The following RRAGB variants were observed in gnomAD, a reference collection of about 807,000 sequenced individuals.
RRAGB encodes the protein ras-related GTP-binding protein B.
In RRAGB, 6 loss-of-function variants were observed where a neutral mutation model predicts 29.3. That is an observed-to-expected ratio of 0.21 (90% CI 0.11 to 0.40). The LOEUF is 0.40. Ranked by LOEUF, RRAGB falls within the 10% of genes least tolerant of loss-of-function variation. RRAGB has a pLI of 1.00. For missense variants in RRAGB, 184 were observed against 272.9 expected (o/e 0.67, Z 2.29); for synonymous variants, 101 against 92.5 (o/e 1.09, Z -0.53).
At chrX:55,740,366 T>A (rs2034019701) in intron 5 of RRAGB, among the ~76,000 whole-genome samples, 1 of 110,837 alleles carries the variant, frequency 9.0e-6, no homozygotes, top group African/African-American at 3.3e-5. Flanking sequence ...GAATTTTAAA[T>A]CATTATGACT....
intron 5 of RRAGB, among the ~76,000 whole-genome samples, chrX:55,738,086 GTC>G (rs1345998684): frequency 2.7e-5 from 3 of 112,761 alleles, no homozygotes; most frequent in Non-Finnish European, 5.6e-5. Context: ...AGATTATTAA[GTC>G]TCTGAGGGTT....
At position 55,751,081 on chromosome X, in the gene RRAGB, T is replaced by C. The variant is rs763669895; in HGVS notation, c.517-20T>C. On this transcript the variant is annotated intron_variant, in intron 5 of 9. Coordinates refer to ENST00000374941, the MANE Select transcript of RRAGB (RefSeq NM_006064.5). ...GGGAACTATTATATGCTGATCAGTA[T>C]GTTGGGCTTTTTAATTTAGATTTTT... The C allele has an allele frequency of 3.1e-6, 3 of 979,960 alleles. No homozygotes were observed. The highest frequency in any genetic ancestry group is 4.0e-5 in the South Asian group (2 of 50,479). 80.8% of individuals were successfully genotyped at this position (979,960 alleles called of 1,213,427 possible).
intron 4 of RRAGB, among the ~76,000 whole-genome samples, chrX:55,729,607 A>G (rs2033604086): frequency 9.0e-6 from 1 of 111,467 alleles, no homozygotes; most frequent in Non-Finnish European, 1.9e-5. Flanking sequence ...TTTGGGATAG[A>G]TTATCCCCTT....
At chrX:55,742,042 G>A (rs1320806334) in intron 5 of RRAGB, among the ~76,000 whole-genome samples, 1 of 112,056 alleles carries the variant, frequency 8.9e-6, no homozygotes, top group African/African-American at 3.2e-5. Flanking sequence ...TCCCAGAAGA[G>A]GATGTAAAGT....
At chrX:55,749,470 T>C (rs1404617794) in intron 5 of RRAGB, among the ~76,000 whole-genome samples, 30 of 94,094 alleles carry the variant, frequency 3.2e-4, no homozygotes, top group Middle Eastern at 6.5e-3. Flanking sequence ...GGCGCCTCTG[T>C]CCGGCCGCCC....
At chrX:55,722,526 C>A (rs2033318924) in intron 3 of RRAGB, among the ~76,000 whole-genome samples, 1 of 111,663 alleles carries the variant, frequency 9.0e-6, no homozygotes, top group Non-Finnish European at 1.9e-5. Context: ...CCTTGTCCAA[C>A]TTTTTGTTTA....
chrX:55,746,657 A>G (rs755631424), intron 5 of RRAGB, among the ~76,000 whole-genome samples: 15 of 112,303 alleles, frequency 1.3e-4, no homozygotes, highest in African/African-American at 4.5e-4. Context: ...GAATCTGTTA[A>G]TACTTGAACA....
At chrX:55,740,508 G>T (rs2034027460) in intron 5 of RRAGB, among the ~76,000 whole-genome samples, 1 of 111,874 alleles carries the variant, frequency 8.9e-6, no homozygotes, top group African/African-American at 3.3e-5. Context: ...CTCTTGGAAA[G>T]AATTTTCTGC....
At chrX:55,749,660 A>G (rs1325919356) in intron 5 of RRAGB, among the ~76,000 whole-genome samples, 1 of 110,922 alleles carries the variant, frequency 9.0e-6, no homozygotes, top group Non-Finnish European at 1.9e-5. Flanking sequence ...AGAAGTAGAC[A>G]TGGGAGACTT....
chrX:55,747,908 CT>C (rs1027586749), intron 5 of RRAGB, among the ~76,000 whole-genome samples: 2 of 110,179 alleles, frequency 1.8e-5, no homozygotes, highest in African/African-American at 3.3e-5. Flanking sequence ...CGGTCTCCCC[CT>C]GATGCCGAGC....
chrX:55,744,934 G>C (rs1227122039), intron 5 of RRAGB, among the ~76,000 whole-genome samples: 1 of 111,986 alleles, frequency 8.9e-6, no homozygotes, highest in Non-Finnish European at 1.9e-5. Flanking sequence ...AATGAAGACT[G>C]TGTTGCCTCC....
intron 5 of RRAGB, among the ~76,000 whole-genome samples, chrX:55,742,340 C>T (rs1165189923): frequency 8.9e-6 from 1 of 112,598 alleles, no homozygotes; most frequent in Non-Finnish European, 1.9e-5. Flanking sequence ...GTTGTATATT[C>T]TCTGGTGGGG....
intron 5 of RRAGB, among the ~76,000 whole-genome samples, chrX:55,748,798 C>A (rs1466806038): frequency 4.6e-5 from 5 of 108,615 alleles, no homozygotes; most frequent in African/African-American, 1.7e-4. Flanking sequence ...GGGTCAGCCC[C>A]CCGCCTGGCC....
intron 3 of RRAGB, among the ~76,000 whole-genome samples, chrX:55,723,560 T>A (rs538607330): frequency 9.2e-6 from 1 of 108,787 alleles, no homozygotes; most frequent in Non-Finnish European, 1.9e-5. Flanking sequence ...TCACAAATCT[T>A]TTTTTTTTCT....
In RRAGB at chrX:55,731,421, T is replaced by C; in HGVS notation, c.351T>C (p.Asn117=). Residue 117 remains asparagine (N), a synonymous_variant, in exon 5 of 10, where the codon AAT becomes AAC. Transcript: ENST00000374941. ...GCCAACGGGACAACATCTTCCGAAA[T>C]GTGGAGGTTCTGATTTATGTCTTTG... ...FTSQRDNIFR[N]VEVLIYVFDV... The C allele has an allele frequency of 8.3e-7, 1 of 1,210,935 alleles. No individual in the cohort carries two copies. The highest frequency in any genetic ancestry group is 1.1e-6 in the Non-Finnish European group (1 of 894,962).
chrX:55,749,936 C>CCTTTGTTCACTTGTTT (rs1259687999), intron 5 of RRAGB, among the ~76,000 whole-genome samples: 1 of 108,970 alleles, frequency 9.2e-6, no homozygotes, highest in Non-Finnish European at 1.9e-5. Flanking sequence ...AAACCAGAGA[C>CCTTTGTTCACTTGTTT]CTTTGTTCAC....
intron 3 of RRAGB, chrX:55,727,399 T>C (rs1281948335): frequency 1.3e-6 from 1 of 758,400 alleles, no homozygotes; most frequent in South Asian, 2.2e-5. Flanking sequence ...ATGTAAGATA[T>C]GATTCCTTTT....
intron 5 of RRAGB, among the ~76,000 whole-genome samples, chrX:55,738,808 T>G (rs2033953782): frequency 9.0e-6 from 1 of 111,664 alleles, no homozygotes; most frequent in African/African-American, 3.3e-5. Context: ...GGCAAGGCCA[T>G]GGAACTCCCA....
intron 5 of RRAGB, among the ~76,000 whole-genome samples, chrX:55,735,333 A>G (rs1483307919): frequency 8.9e-6 from 1 of 111,979 alleles, no homozygotes. Context: ...TTGGGTTGTT[A>G]TATCTTCTTG....
Sources: allele counts gnomAD v4.1 joint callset (sites outside exome capture counted in the v4.1 genomes callset), GRCh38; gene constraint gnomAD v4.1.1; transcripts MANE v1.5; gene names NCBI Gene and HGNC (gene_info 2026-07-23, HGNC 2026-07-21).